Variants in PLEKHG4B observed in about 807,000 individuals in gnomAD.
PLEKHG4B encodes the protein pleckstrin homology domain-containing family G member 4B.
A neutral mutation model predicts 121.3 loss-of-function variants in PLEKHG4B; 111 were observed. That is an observed-to-expected ratio of 0.92 (90% CI 0.78 to 1.07). The LOEUF (loss-of-function observed/expected upper bound fraction) is 1.07, where lower values mean the gene tolerates loss of function less well. Ranked by LOEUF, PLEKHG4B falls within the 50% of genes least tolerant of loss-of-function variation. The probability of loss-of-function intolerance (pLI) is 0.00; values close to 1 mark genes in which losing one functional copy is unlikely to be tolerated. For missense variants in PLEKHG4B, 1,831 were observed against 1,757.8 expected (o/e 1.04, Z -0.74); for synonymous variants, 738 against 725.0 (o/e 1.02, Z -0.29).
Position 171,037 on chromosome 5 carries a change from T to C in PLEKHG4B, c.3730-6T>C. The C allele has an allele frequency of 1.9e-6, 3 of 1,608,352 alleles. No individual in the cohort carries two copies. Among genetic ancestry groups the C allele is most frequent in the Non-Finnish European group, 2.5e-6 (3 of 1,177,444 alleles). On this transcript the variant is annotated splice_polypyrimidine_tract_variant and splice_region_variant and intron_variant, in intron 14 of 19. Coordinates refer to ENST00000637938, the MANE Select transcript of PLEKHG4B (RefSeq NM_052909.5). The stretch of plus-strand genomic sequence containing the variant: ...CACAGCCAAGCAGTCGCCTCTGCTT[T>C]TCCAGGAAGAGCAGTTTGGGATGTA...
At position 157,147 on chromosome 5, in the gene PLEKHG4B, G is replaced by T. The variant is rs1579300193; in HGVS notation, c.2487+236G>T. 3.5e-6 allele frequency: 2 copies of T among 568,716 alleles called. No homozygotes were observed. Among genetic ancestry groups the T allele is most frequent in the East Asian group, 6.4e-5 (2 of 31,072 alleles). The allele number at this position is 568,716 out of a possible 1,614,324, so 35.2% of individuals were successfully genotyped here. On this transcript the variant is annotated intron_variant, in intron 11 of 19. Transcript: ENST00000637938. This position sits in a 1 kb window ranked among gnomAD's most constrained non-coding sequence, Gnocchi z 4.6. Reference sequence around the variant, plus strand: ...AAAAAATTTGTTTAATCCAGAGGAGGCCAGGGAGAAAAATAATTTCACACT... The same window carrying T: ...AAAAAATTTGTTTAATCCAGAGGAGTCCAGGGAGAAAAATAATTTCACACT...
intron 12 of PLEKHG4B, among the ~76,000 whole-genome samples, chr5:162,464 C>G (rs566292544): frequency 6.6e-6 from 1 of 152,258 alleles, no homozygotes; most frequent in Non-Finnish European, 1.5e-5. Context: ...CTGATCTACA[C>G]AATGTCTTCA....
chr5:169,231 C>T, intron 13 of PLEKHG4B, 109 bp from the exon 14 acceptor site: 3 of 1,460,402 alleles, frequency 2.1e-6, no homozygotes, highest in Non-Finnish European at 1.9e-6. Context: ...CCACATGTGA[C>T]CCTGCTCATC....
intron 1 of PLEKHG4B, among the ~76,000 whole-genome samples, chr5:94,193 T>C (rs1199425454): frequency 6.6e-6 from 1 of 152,168 alleles, no homozygotes; most frequent in Admixed American, 6.5e-5. Flanking sequence ...GGCCCTGAAA[T>C]TTTGGTGCCT....
At chr5:167,636 G>A (rs963868009) in intron 13 of PLEKHG4B, among the ~76,000 whole-genome samples, 1 of 152,198 alleles carries the variant, frequency 6.6e-6, no homozygotes, top group African/African-American at 2.4e-5. Flanking sequence ...GTGCAGAGCT[G>A]TGGGACACGC....
chr5:105,892 C>T (rs1378702451), intron 1 of PLEKHG4B, among the ~76,000 whole-genome samples: 15 of 152,184 alleles, frequency 9.9e-5, no homozygotes, highest in Admixed American at 8.5e-4. Flanking sequence ...GCCCATGAGC[C>T]GAGCACGCAC....
chr5:156,186 A>C lies in PLEKHG4B; in HGVS notation c.2324A>C (p.Glu775Ala). 2 of 1,561,184 alleles carry C rather than the reference A, an allele frequency of 1.3e-6. No individual in the cohort carries two copies. Among genetic ancestry groups the C allele is most frequent in the East Asian group, 4.6e-5 (2 of 43,458 alleles). ...ACCGTCCTGGCGCGGCTGAGGAGAG[A>C]AGAGCTTGGCACAGAAGACAGCCGG... ...GGTVLARLRR[E>A]ELGTEDSRDT... Residue 775 changes from glutamate (E) to alanine (A), a missense_variant, in exon 10 of 20, where the codon GAA becomes GCA. By Grantham distance (107) the Glu-to-Ala change is moderately radical. Coordinates refer to ENST00000637938, the MANE Select transcript of PLEKHG4B (RefSeq NM_052909.5). This position sits in a 1 kb window ranked among gnomAD's most constrained non-coding sequence, Gnocchi z 4.4.
At chr5:132,502 C>G (rs1000035270) in intron 2 of PLEKHG4B, among the ~76,000 whole-genome samples, 4 of 152,060 alleles carry the variant, frequency 2.6e-5, no homozygotes, top group African/African-American at 9.7e-5. Flanking sequence ...CTGATATTAT[C>G]TTTTAGAATG....
intron 2 of PLEKHG4B, among the ~76,000 whole-genome samples, chr5:119,434 G>C (rs981206672): frequency 6.6e-6 from 1 of 152,172 alleles, no homozygotes. Context: ...GCATAAATGG[G>C]TTAATGTACT....
At chr5:102,074 A>G (rs1273921717) in intron 1 of PLEKHG4B, among the ~76,000 whole-genome samples, 1 of 121,428 alleles carries the variant, frequency 8.2e-6, no homozygotes, top group Non-Finnish European at 1.7e-5. Flanking sequence ...GTAAATCCAT[A>G]TAAAGCCCTG....
chr5:124,457 G>C (rs2126372817), intron 2 of PLEKHG4B, among the ~76,000 whole-genome samples: 1 of 152,272 alleles, frequency 6.6e-6, no homozygotes, highest in Admixed American at 6.5e-5. Context: ...TGGTTCTTCT[G>C]TCCATTGACA....
chr5:141,474 C>G (rs564089026), intron 3 of PLEKHG4B, among the ~76,000 whole-genome samples: 1 of 150,560 alleles, frequency 6.6e-6, no homozygotes, highest in East Asian at 2.1e-4. Context: ...CCGTGGCCTC[C>G]TCCCCAGTGC....
chr5:134,128 G>C (rs1347213282), intron 2 of PLEKHG4B, among the ~76,000 whole-genome samples: 2 of 95,972 alleles, frequency 2.1e-5, no homozygotes, highest in African/African-American at 7.6e-5. Context: ...TATATGTGAT[G>C]GAATACTACT....
At chr5:132,485 G>GT (rs1453721360) in intron 2 of PLEKHG4B, among the ~76,000 whole-genome samples, 1 of 152,062 alleles carries the variant, frequency 6.6e-6, no homozygotes, top group Non-Finnish European at 1.5e-5. Flanking sequence ...GTCTAAAAGG[G>GT]TTTTTTCTGA....
chr5:143,000 G>A (rs1013034348), intron 3 of PLEKHG4B, 47 bp from the exon 4 acceptor site: 15 of 1,558,582 alleles, frequency 9.6e-6, no homozygotes, highest in South Asian at 9.0e-5. Context: ...TGCTTTCAAC[G>A]CGCAGGAAAA....
intron 13 of PLEKHG4B, among the ~76,000 whole-genome samples, chr5:167,990 G>A (rs1736408075): frequency 6.6e-6 from 1 of 152,222 alleles, no homozygotes; most frequent in Non-Finnish European, 1.5e-5. Flanking sequence ...GGGAGGTACC[G>A]TCTGGCCAAG....
In PLEKHG4B at chr5:182,093, A is replaced by T; in HGVS notation, c.4654A>T (p.Thr1552Ser). The change falls in exon 20 of 20, where the codon ACC becomes TCC. Residue 1552 changes from threonine (T) to serine (S), a missense_variant. Transcript: ENST00000637938. Reference protein sequence around the residue: ...RPHSTISDSSTSSSSSQSSSI... With the variant: ...RPHSTISDSSSSSSSSQSSSI... ...ACACTCCACCATCTCAGACAGCAGC[A>T]CCTCCTCTTCTAGCAGCCAGTCCTC... 1 of 1,613,668 alleles carries T rather than the reference A, an allele frequency of 6.2e-7. No homozygotes were observed. The highest frequency in any genetic ancestry group is 1.6e-4 in the Middle Eastern group (1 of 6,062).
intron 7 of PLEKHG4B, among the ~76,000 whole-genome samples, chr5:154,130 T>C (rs1332910198): frequency 2.0e-5 from 3 of 152,056 alleles, no homozygotes; most frequent in Non-Finnish European, 4.4e-5. Context: ...CTCAGCCTCC[T>C]GAGTAGCTGG....
At chr5:149,550 A>C (rs1735536036) in intron 6 of PLEKHG4B, among the ~76,000 whole-genome samples, 3 of 143,530 alleles carry the variant, frequency 2.1e-5, no homozygotes, top group Admixed American at 2.0e-4. Flanking sequence ...CAAAAAAAGT[A>C]AATAAGAAGA....
Sources: gnomAD v4.1 joint callset for allele counts (sites outside exome capture counted in the v4.1 genomes callset) on GRCh38, gnomAD v4.1.1 for gene constraint, Gnocchi (gnomAD v3.1) non-coding constraint, MANE v1.5 for transcripts, NCBI Gene and HGNC (gene_info 2026-07-23, HGNC 2026-07-21) for gene names.